The following VPS54 variants were observed in gnomAD, a reference collection of about 807,000 sequenced individuals.
VPS54 encodes the protein VPS54 subunit of GARP complex.
Under a neutral mutation model 121.5 loss-of-function variants are expected in VPS54, and 45 were observed. The observed-to-expected ratio is 0.37, with a 90% CI of 0.29 to 0.47. The LOEUF (loss-of-function observed/expected upper bound fraction) is 0.47, where lower values mean the gene tolerates loss of function less well. Among genes scored for constraint, VPS54 ranks in the 20% least tolerant of loss-of-function variants. The pLI is 0.99. For synonymous variants in VPS54, 371 were observed against 385.8 expected (o/e 0.96, Z 0.45); for missense variants, 1,090 against 1,131.4 (o/e 0.96, Z 0.52).
At chr2:63,961,404 T>C (rs1037158101) in intron 7 of VPS54, among the ~76,000 whole-genome samples, 8 of 152,236 alleles carry the variant, frequency 5.3e-5, no homozygotes, top group Non-Finnish European at 1.2e-4. Flanking sequence ...TAAAACTTTA[T>C]AGTCACTTAC....
At position 63,923,620 on chromosome 2, in the gene VPS54, A is replaced by G. The variant is rs533392474; in HGVS notation, c.1740-2285T>C. On this transcript the variant is annotated intron_variant, in intron 12 of 22. Transcript: ENST00000272322. Reference sequence around the variant, plus strand: ...TGTGAATGGAATATTATTCAGCCTTAAAAAGGAAGAAAATTTTGATATATG... The same window carrying G: ...TGTGAATGGAATATTATTCAGCCTTGAAAAGGAAGAAAATTTTGATATATG... Among the ~76,000 whole-genome samples, 7 of 152,330 alleles carry G rather than the reference A, an allele frequency of 4.6e-5. No homozygotes were observed. In the South Asian group the frequency reaches 8.3e-4, roughly 18 times the overall value.
intron 12 of VPS54, among the ~76,000 whole-genome samples, chr2:63,921,700 A>C (rs921886885): frequency 4.6e-5 from 7 of 151,866 alleles, no homozygotes; most frequent in African/African-American, 1.5e-4. Context: ...GGGTGGTCTC[A>C]AATATCCCTG....
At chr2:64,004,246 A>T (rs1233671323) in intron 1 of VPS54, among the ~76,000 whole-genome samples, 1 of 152,186 alleles carries the variant, frequency 6.6e-6, no homozygotes, top group Non-Finnish European at 1.5e-5. Flanking sequence ...TGCCAGTAAT[A>T]AATATAAAAG....
intron 3 of VPS54, among the ~76,000 whole-genome samples, chr2:63,980,807 T>G (rs1464543402): frequency 6.6e-6 from 1 of 152,046 alleles, no homozygotes; most frequent in Non-Finnish European, 1.5e-5. Flanking sequence ...ACTTAATCAC[T>G]TAGATCTGAT....
chr2:63,914,012 C>G, intron 17 of VPS54, 170 bp downstream of exon 17: 2 of 1,115,496 alleles, frequency 1.8e-6, no homozygotes, highest in Admixed American at 3.1e-5. Flanking sequence ...AAGAAGGAAG[C>G]AGGCAGCCTG....
At chr2:64,005,086 C>CTTTTT (rs1559053926) in intron 1 of VPS54, among the ~76,000 whole-genome samples, 17 of 76,602 alleles carry the variant, frequency 2.2e-4, no homozygotes, top group African/African-American at 7.5e-4. Flanking sequence ...TCTACTATTG[C>CTTTTT]TTCTTTTTTT....
intron 22 of VPS54, among the ~76,000 whole-genome samples, chr2:63,895,890 G>A (rs996353141): frequency 6.6e-6 from 1 of 152,162 alleles, no homozygotes; most frequent in Non-Finnish European, 1.5e-5. Flanking sequence ...GTTAGCTTGG[G>A]TGCTTCAGAA....
chr2:63,904,121 A>T (rs1325086337), intron 20 of VPS54, among the ~76,000 whole-genome samples: 1 of 152,184 alleles, frequency 6.6e-6, no homozygotes, highest in East Asian at 1.9e-4. Context: ...TGCACTTCAA[A>T]AAAAGGAACA....
intron 15 of VPS54, 98 bp from the exon 16 acceptor site, chr2:63,917,061 C>A (rs1575903691): frequency 1.7e-6 from 2 of 1,186,600 alleles, no homozygotes. Flanking sequence ...GCCAAAAACT[C>A]TCATTTCTGA....
chr2:64,011,878 TTAAG>T (rs1281550827), intron 1 of VPS54, among the ~76,000 whole-genome samples: 1 of 152,200 alleles, frequency 6.6e-6, no homozygotes, highest in East Asian at 1.9e-4. Flanking sequence ...TAGATACTTA[TTAAG>T]TAACAAAGAT....
At position 63,912,362 on chromosome 2, in the gene VPS54, C is replaced by A; in HGVS notation, c.2608G>T (p.Asp870Tyr). The change falls in exon 20 of 23, where the codon GAC becomes TAC. Residue 870 changes from aspartate (D) to tyrosine (Y), a missense_variant. Asp to Tyr is a radical substitution (Grantham distance 160). Coordinates refer to ENST00000272322, the MANE Select transcript of VPS54 (RefSeq NM_016516.3). ...ATCATTACCTTAGATAACAGCTTGTCAAATAAGCTATCCATTATCGCTACA... is the reference window on the plus strand; with the variant it reads ...ATCATTACCTTAGATAACAGCTTGTAAAATAAGCTATCCATTATCGCTACA... ...KLVAIMDSLF[D>Y]KLLSKYEVKA... 6.2e-7 allele frequency: 1 copy of A among 1,609,606 alleles called. No individual in the cohort carries two copies. The highest frequency in any genetic ancestry group is 1.1e-5 in the South Asian group (1 of 90,578).
intron 6 of VPS54, 34 bp downstream of exon 6, chr2:63,965,801 G>C: frequency 1.9e-6 from 3 of 1,606,894 alleles, no homozygotes; most frequent in Non-Finnish European, 2.5e-6. Flanking sequence ...AACTAGAATA[G>C]TTTCCTACAT....
rs1672247214 is a variant in VPS54, at chr2:63,892,192, C to A, written c.*1238G>T. ...TATTTTAGACAGATAGTTTAAGAAC[C>A]AAAGACATACCTCTGTAATGATAAA... On this transcript the variant is annotated 3_prime_UTR_variant, in exon 23 of 23. Transcript: ENST00000272322. The A allele has an allele frequency of 6.6e-6, 1 of 151,922 alleles. No homozygotes were observed. The highest frequency in any genetic ancestry group is 2.4e-5 in the African/African-American group (1 of 41,360). 9.4% of individuals were successfully genotyped at this position (151,922 alleles called of 1,614,324 possible). A position where few individuals can be genotyped will look rare whatever the true frequency, so the allele number is the denominator to read the frequency against.
intron 11 of VPS54, among the ~76,000 whole-genome samples, chr2:63,935,287 G>C (rs1250011281): frequency 1.3e-5 from 2 of 152,120 alleles, no homozygotes; most frequent in Admixed American, 1.3e-4. Flanking sequence ...CATTTTAAAT[G>C]AGTCAATAGC....
At chr2:63,980,708 G>A (rs1255202882) in intron 3 of VPS54, among the ~76,000 whole-genome samples, 1 of 151,962 alleles carries the variant, frequency 6.6e-6, no homozygotes, top group Non-Finnish European at 1.5e-5. Context: ...AAGACTACCT[G>A]ACACATGGAA....
intron 20 of VPS54, among the ~76,000 whole-genome samples, chr2:63,909,282 A>T (rs1673031862): frequency 1.3e-5 from 2 of 152,194 alleles, no homozygotes; most frequent in African/African-American, 4.8e-5. Context: ...TGAACAAAAC[A>T]GTTTATATTA....
At chr2:63,971,250 A>G (rs976919609) in intron 4 of VPS54, among the ~76,000 whole-genome samples, 2 of 152,222 alleles carry the variant, frequency 1.3e-5, no homozygotes, top group African/African-American at 2.4e-5. Flanking sequence ...GTATTACTGC[A>G]GTAGCCTCCA....
Position 63,949,058 on chromosome 2 carries a change from A to C in VPS54, c.1116T>G (p.Asp372Glu). The C allele has an allele frequency of 6.2e-7, 1 of 1,611,290 alleles. No individual in the cohort carries two copies. ...SHSDLNRPLE[D>E]DCQVLEEERL... ...ATACCTCTTCTAAAACTTGACAGTC[A>C]TCTTCCAGTGGTCTATTTAAGTCAC... Residue 372 changes from aspartate (D) to glutamate (E), a missense_variant, in exon 8 of 23, where the codon GAT becomes GAG. Transcript: ENST00000272322.
chr2:63,970,212 T>TACAC (rs150635007), intron 4 of VPS54, among the ~76,000 whole-genome samples: 24,869 of 113,508 alleles, frequency 0.22, 3,143 homozygotes, highest in Middle Eastern at 0.32. Flanking sequence ...AATATATATA[T>TACAC]ACACACACAC....
Sources: gnomAD v4.1 joint callset for allele counts (sites outside exome capture counted in the v4.1 genomes callset) on GRCh38, gnomAD v4.1.1 for gene constraint, MANE v1.5 for transcripts, NCBI Gene and HGNC (gene_info 2026-07-23, HGNC 2026-07-21) for gene names.